ATE1: variants seen among roughly 807,000 people sequenced by gnomAD.
The protein encoded by ATE1 is arginyl-tRNA--protein transferase 1.
ATE1 carries 36 observed loss-of-function variants against 70.5 expected under a neutral mutation model. That is an observed-to-expected ratio of 0.51 (90% CI 0.39 to 0.67). The LOEUF is 0.67. ATE1 is among the 30% of genes least tolerant of loss of function. The pLI, the probability that ATE1 is intolerant of heterozygous loss-of-function variation, is 0.00. For missense variants in ATE1, 593 were observed against 629.5 expected (o/e 0.94, Z 0.62); for synonymous variants, 232 against 219.3 (o/e 1.06, Z -0.51).
chr10:121,915,210 G>C lies in ATE1; in HGVS notation c.234-1317C>G, dbSNP rs114872760. 5.8e-3 allele frequency among the ~76,000 whole-genome samples: 880 copies of C among 152,066 alleles called. 10 individuals carry two copies. The highest frequency in any genetic ancestry group is 0.02 in the African/African-American group (825 of 41,494). On this transcript the variant is annotated intron_variant, in intron 3 of 11. Transcript: ENST00000224652. ...AGCCACTACATCCATAAAATAACAA[G>C]GTGTTATTAAATAAACAAATAAGAG...
chr10:121,904,146 C>T (rs1951094617), intron 5 of ATE1, among the ~76,000 whole-genome samples: 1 of 151,492 alleles, frequency 6.6e-6, no homozygotes, highest in South Asian at 2.1e-4. Context: ...CCATGCCTGG[C>T]TAATTTTTTG....
chr10:121,805,246 T>C (rs1048393692), intron 10 of ATE1, among the ~76,000 whole-genome samples: 2 of 152,210 alleles, frequency 1.3e-5, no homozygotes, highest in Non-Finnish European at 2.9e-5. Flanking sequence ...GAAATTTGAA[T>C]AAAATAATAA....
In ATE1 at chr10:121,902,516, C is replaced by T; in HGVS notation, c.688G>A (p.Glu230Lys). The T allele has an allele frequency of 6.2e-7, 1 of 1,614,208 alleles. No individual in the cohort carries two copies. Among genetic ancestry groups the T allele is most frequent in the Non-Finnish European group, 8.5e-7 (1 of 1,180,038 alleles). ...LMQQNPAGEL[E>K]GFQAQGHPPS... ...GGGTGACCTTGAGCCTGGAAACCCT[C>T]AAGTTCTCCAGCTGGGTTCTGCTGC... The change falls in exon 6 of 12, where the codon GAG becomes AAG. Residue 230 changes from glutamate (E) to lysine (K), a missense_variant. Glu to Lys is a moderately conservative substitution (Grantham distance 56). Coordinates refer to ENST00000224652, the MANE Select transcript of ATE1 (RefSeq NM_001001976.3).
intron 11 of ATE1, among the ~76,000 whole-genome samples, chr10:121,787,930 C>T (rs1002393883): frequency 6.6e-6 from 1 of 152,090 alleles, no homozygotes; most frequent in Non-Finnish European, 1.5e-5. Context: ...GAAATGCAAC[C>T]TTTAAAACTG....
At chr10:121,824,694 T>A (rs1005538430) in intron 10 of ATE1, among the ~76,000 whole-genome samples, 1 of 152,196 alleles carries the variant, frequency 6.6e-6, no homozygotes, top group African/African-American at 2.4e-5. Context: ...AATCACTTTG[T>A]CTACTTTGGA....
intron 4 of ATE1, among the ~76,000 whole-genome samples, chr10:121,913,268 C>T (rs1370887007): frequency 2.0e-5 from 3 of 152,174 alleles, no homozygotes; most frequent in Non-Finnish European, 2.9e-5. Flanking sequence ...TAAATAAATG[C>T]TATTATGTTT....
At chr10:121,805,054 T>C (rs1947042196) in intron 10 of ATE1, among the ~76,000 whole-genome samples, 1 of 152,178 alleles carries the variant, frequency 6.6e-6, no homozygotes, top group South Asian at 2.1e-4. Flanking sequence ...GGGAAGTGTA[T>C]GATTTACAAG....
At chr10:121,866,247 G>T (rs937468352) in intron 8 of ATE1, among the ~76,000 whole-genome samples, 2 of 152,152 alleles carry the variant, frequency 1.3e-5, no homozygotes, top group Non-Finnish European at 2.9e-5. Flanking sequence ...AAGTCCTCAA[G>T]TGGCCCCTGT....
chr10:121,902,344 C>T (rs1554929387), intron 6 of ATE1, 47 bp downstream of exon 6: 2 of 1,505,440 alleles, frequency 1.3e-6, no homozygotes, highest in East Asian at 2.3e-5. Context: ...TATGCCCAAA[C>T]AAAAAAAAAT....
At chr10:121,926,352 A>C (rs958207324) in intron 1 of ATE1, among the ~76,000 whole-genome samples, 3 of 152,168 alleles carry the variant, frequency 2.0e-5, no homozygotes, top group Non-Finnish European at 2.9e-5. Flanking sequence ...CCTGGCAGGC[A>C]CTCACTCACA....
At chr10:121,924,580 A>G (rs1005200235) in intron 1 of ATE1, among the ~76,000 whole-genome samples, 3 of 151,686 alleles carry the variant, frequency 2.0e-5, no homozygotes, top group Non-Finnish European at 4.4e-5. Flanking sequence ...GGCGCCTGTA[A>G]TCCCAGCTAC....
At chr10:121,913,692 A>G in intron 4 of ATE1, 98 bp downstream of exon 4, 3 of 763,716 alleles carry the variant, frequency 3.9e-6, no homozygotes, top group African/African-American at 1.8e-5. Flanking sequence ...GTAGCAGTAC[A>G]TGACTGTATT....
rs1406941812 is a variant in ATE1 at position 121,743,566 on chromosome 10, A to G, written c.*114T>C. The G allele has an allele frequency of 2.2e-6, 3 of 1,383,480 alleles. No homozygotes were observed. The highest frequency in any genetic ancestry group is 2.8e-6 in the Non-Finnish European group (3 of 1,071,846). The allele number at this position is 1,383,480 out of a possible 1,614,324, so 85.7% of individuals were successfully genotyped here. A position where few individuals can be genotyped will look rare whatever the true frequency, so the allele number is the denominator to read the frequency against. On this transcript the variant is annotated 3_prime_UTR_variant, in exon 12 of 12. Coordinates refer to ENST00000224652, the MANE Select transcript of ATE1 (RefSeq NM_001001976.3). ...TTTTTAAAAGCCATAGATAGTCAAAATAAAAAATGTCTAATTTGTGGGTGG... is the reference window on the plus strand; with the variant it reads ...TTTTTAAAAGCCATAGATAGTCAAAGTAAAAAATGTCTAATTTGTGGGTGG...
intron 1 of ATE1, among the ~76,000 whole-genome samples, chr10:121,925,203 C>A (rs1438717665): frequency 6.6e-6 from 1 of 152,084 alleles, no homozygotes; most frequent in Non-Finnish European, 1.5e-5. Flanking sequence ...GGCAGATCAT[C>A]TGAGGTCAGG....
chr10:121,853,231 G>A (rs186818235), intron 8 of ATE1, among the ~76,000 whole-genome samples: 2,910 of 151,948 alleles, frequency 0.019, 55 homozygotes, highest in Non-Finnish European at 0.027. Flanking sequence ...GGGCATGGTG[G>A]CGGGCGCCTG....
intron 10 of ATE1, among the ~76,000 whole-genome samples, chr10:121,810,645 T>C (rs944596040): frequency 6.6e-6 from 1 of 152,180 alleles, no homozygotes; most frequent in South Asian, 2.1e-4. Context: ...CATCAATACC[T>C]TCCTCCTATC....
chr10:121,903,484 C>T (rs1030389703), intron 5 of ATE1, among the ~76,000 whole-genome samples: 4 of 151,888 alleles, frequency 2.6e-5, no homozygotes, highest in East Asian at 1.9e-4. Flanking sequence ...GTTGAGAGTT[C>T]GAGACCAGCC....
chr10:121,830,625 C>T (rs893985405), intron 10 of ATE1, among the ~76,000 whole-genome samples: 1 of 152,092 alleles, frequency 6.6e-6, no homozygotes, highest in African/African-American at 2.4e-5. Context: ...ACTTTAATCC[C>T]TCAGTTACCT....
intron 5 of ATE1, among the ~76,000 whole-genome samples, chr10:121,908,779 G>A (rs1274883008): frequency 6.6e-6 from 1 of 152,126 alleles, no homozygotes; most frequent in African/African-American, 2.4e-5. Flanking sequence ...ATTAAGACTT[G>A]CCCCCCTGCC....
Sources: allele counts gnomAD v4.1 joint callset (sites outside exome capture counted in the v4.1 genomes callset), GRCh38; gene constraint gnomAD v4.1.1; transcripts MANE v1.5; gene names NCBI Gene and HGNC (gene_info 2026-07-23, HGNC 2026-07-21).